CRACDL: variants seen among roughly 807,000 people sequenced by gnomAD.
The protein encoded by CRACDL is CRACD like.
A neutral mutation model predicts 70.6 loss-of-function variants in CRACDL; 26 were observed. The observed-to-expected ratio is 0.37, with a 90% CI of 0.27 to 0.51. CRACDL has a LOEUF of 0.51. Ranked by LOEUF, CRACDL falls within the 20% of genes least tolerant of loss-of-function variation. The pLI is 0.94. For synonymous variants in CRACDL, 618 were observed against 615.2 expected (o/e 1.00, Z -0.07); for missense variants, 1,283 against 1,376.9 (o/e 0.93, Z 1.08).
At chr2:98,861,303 T>C (rs569349426) in intron 1 of CRACDL, among the ~76,000 whole-genome samples, 1 of 152,260 alleles carries the variant, frequency 6.6e-6, no homozygotes, top group South Asian at 2.1e-4. Flanking sequence ...GCTGAGATCA[T>C]GCCACTGCAC....
intron 1 of CRACDL, among the ~76,000 whole-genome samples, chr2:98,935,103 G>T (rs1022433460): frequency 1.3e-5 from 2 of 152,212 alleles, no homozygotes; most frequent in Non-Finnish European, 2.9e-5. Flanking sequence ...CTAGTCTATG[G>T]TATATGCAAA....
chr2:98,876,324 G>T (rs1707487493), intron 1 of CRACDL, among the ~76,000 whole-genome samples: 1 of 152,186 alleles, frequency 6.6e-6, no homozygotes, highest in Admixed American at 6.5e-5. Context: ...CAAGCAGCAT[G>T]AATGCTCTAG....
intron 1 of CRACDL, among the ~76,000 whole-genome samples, chr2:98,914,093 G>A (rs1217180482): frequency 2.6e-5 from 4 of 152,248 alleles, no homozygotes; most frequent in African/African-American, 9.6e-5. Context: ...CCAGTAAGAG[G>A]CTGGCTGCCT....
chr2:98,813,412 A>G (rs1209688999), intron 7 of CRACDL, among the ~76,000 whole-genome samples: 1 of 152,198 alleles, frequency 6.6e-6, no homozygotes, highest in African/African-American at 2.4e-5. Flanking sequence ...AGCTTGGGCA[A>G]CAAGAGCAAG....
rs990293343 is a variant in CRACDL, at chr2:98,893,393, C to T, written c.-11+42545G>A. 3.3e-5 allele frequency among the ~76,000 whole-genome samples: 5 copies of T among 152,154 alleles called. No homozygotes were observed. The East Asian group carries it at 7.7e-4, about 23-fold the overall frequency. On this transcript the variant is annotated intron_variant, in intron 1 of 9. Coordinates refer to ENST00000397899, the MANE Select transcript of CRACDL (RefSeq NM_207362.3). ...CCGTCTCCTGGGTTCACGCCATTCT[C>T]CTGCCTCAGCCTCCCAAGTAGCTGG...
intron 8 of CRACDL, 50 bp from the exon 9 acceptor site, chr2:98,796,314 G>A (rs375802280): frequency 5.7e-6 from 9 of 1,575,210 alleles, no homozygotes; most frequent in Non-Finnish European, 7.8e-6. Context: ...ATTCAGACAG[G>A]GGCAAACACA....
chr2:98,926,948 C>T (rs1005928495), intron 1 of CRACDL, among the ~76,000 whole-genome samples: 5 of 152,150 alleles, frequency 3.3e-5, no homozygotes, highest in Admixed American at 6.5e-5. Flanking sequence ...TCAGCTAGGG[C>T]GGGTCTCCAG....
chr2:98,863,852 A>G (rs1202411915), intron 1 of CRACDL, among the ~76,000 whole-genome samples: 1 of 152,202 alleles, frequency 6.6e-6, no homozygotes, highest in Non-Finnish European at 1.5e-5. Context: ...AGGTACTCAG[A>G]GTAGTCAAAA....
intron 7 of CRACDL, among the ~76,000 whole-genome samples, chr2:98,801,053 G>C (rs1484927023): frequency 5.3e-5 from 8 of 152,202 alleles, no homozygotes; most frequent in Non-Finnish European, 5.9e-5. Context: ...TAGCAGCATC[G>C]CCAAGCACTG....
rs562928941 is a variant in CRACDL at position 98,919,343 on chromosome 2, A to C, written c.-11+16595T>G. 2.0e-5 allele frequency among the ~76,000 whole-genome samples: 3 copies of C among 152,210 alleles called. No individual in the cohort carries two copies. In the South Asian group the frequency reaches 6.2e-4, roughly 32 times the overall value. On this transcript the variant is annotated intron_variant, in intron 1 of 9. Transcript: ENST00000397899. ...TAGGTTCCTTATTAATTTCAGGACA[A>C]TTTTTTCCTTTTGCAAACTAATTCA...
chr2:98,916,549 A>T (rs1298483717), intron 1 of CRACDL, among the ~76,000 whole-genome samples: 1 of 152,180 alleles, frequency 6.6e-6, no homozygotes, highest in Non-Finnish European at 1.5e-5. Context: ...GAAAGATATG[A>T]AATCTCCCAT....
rs190398512 is a variant in CRACDL, at chr2:98,836,253, T to A, written c.239+1866A>T. The stretch of plus-strand genomic sequence containing the variant: ...AGGGTCCCATGTGGTTTGCTCGCAC[T>A]AATGTGCCTTAGTAAATGGAGCTGT... On this transcript the variant is annotated intron_variant, in intron 3 of 9. Transcript: ENST00000397899. Among the ~76,000 whole-genome samples the A allele has an allele frequency of 1.7e-4, 26 of 152,324 alleles. No individual in the cohort carries two copies. The East Asian group carries it at 5.0e-3, about 29-fold the overall frequency.
chr2:98,823,182 G>A lies in CRACDL; in HGVS notation c.1091C>T (p.Pro364Leu), dbSNP rs1478463257. 2 of 1,497,270 alleles carry A rather than the reference G, an allele frequency of 1.3e-6. No individual in the cohort carries two copies. The highest frequency in any genetic ancestry group is 2.2e-5 in the Admixed American group (1 of 45,120). 92.7% of individuals were successfully genotyped at this position (1,497,270 alleles called of 1,614,324 possible). A position where few individuals can be genotyped will look rare whatever the true frequency, so the allele number is the denominator to read the frequency against. ...PPSPPEGPPN[P>L]GPDGGKQDGE... is the part of the protein sequence containing the mutation. ...ATCCTGCTTTCCGCCGTCGGGACCGGGATTCGGGGGGCCCTCCGGCGGGGA... is the reference window on the plus strand; with the variant it reads ...ATCCTGCTTTCCGCCGTCGGGACCGAGATTCGGGGGGCCCTCCGGCGGGGA... The change falls in exon 7 of 10, where the codon CCC (proline) becomes CTC (leucine). Residue 364 changes from proline to leucine, a missense_variant. This residue lies in a region of CRACDL where 921 missense variants were observed against 881.9 expected (regional missense o/e 1.04). Coordinates refer to ENST00000397899, the MANE Select transcript of CRACDL (RefSeq NM_207362.3). This position sits in a 1 kb window ranked among gnomAD's most constrained non-coding sequence, Gnocchi z 4.0.
At chr2:98,894,605 C>T (rs928233080) in intron 1 of CRACDL, among the ~76,000 whole-genome samples, 1 of 152,036 alleles carries the variant, frequency 6.6e-6, no homozygotes, top group African/African-American at 2.4e-5. Context: ...AGAAAACAGG[C>T]AAGAAACGGT....
intron 7 of CRACDL, among the ~76,000 whole-genome samples, chr2:98,819,324 G>A (rs1704926001): frequency 6.6e-6 from 1 of 152,206 alleles, no homozygotes; most frequent in Admixed American, 6.5e-5. Context: ...GCAAGCTCTT[G>A]AGAGACATTT....
At chr2:98,825,988 A>C (rs1705285147) in intron 6 of CRACDL, among the ~76,000 whole-genome samples, 1 of 152,204 alleles carries the variant, frequency 6.6e-6, no homozygotes, top group Admixed American at 6.5e-5. Flanking sequence ...TCATGAGGGA[A>C]GGACAGAGGA....
intron 7 of CRACDL, 139 bp downstream of exon 7, chr2:98,821,718 T>C (rs1179252393): frequency 1.6e-5 from 18 of 1,124,140 alleles, no homozygotes. Flanking sequence ...GACATGATGT[T>C]AGTGGGAATT....
intron 9 of CRACDL, among the ~76,000 whole-genome samples, chr2:98,795,077 A>ATATATTTTTTTTTTTTTTTTTTT: frequency 5.1e-5 from 3 of 58,486 alleles, no homozygotes; most frequent in African/African-American, 1.3e-4. Flanking sequence ...ATATATATAT[A>ATATATTTTTTTTTTTTTTTTTTT]TTTTTTTTTT....
intron 2 of CRACDL, among the ~76,000 whole-genome samples, chr2:98,841,511 A>C (rs1278087726): frequency 3.9e-5 from 6 of 151,978 alleles, no homozygotes; most frequent in Non-Finnish European, 8.8e-5. Context: ...TCTGATTGTT[A>C]AAAAAAACCT....
Sources: gnomAD v4.1 joint callset for allele counts (sites outside exome capture counted in the v4.1 genomes callset) on GRCh38, gnomAD v4.1.1 for gene constraint, gnomAD v4.1.1 regional missense constraint, Gnocchi (gnomAD v3.1) non-coding constraint, MANE v1.5 for transcripts, NCBI Gene and HGNC (gene_info 2026-07-23, HGNC 2026-07-21) for gene names.